Variants in TTLL11 observed in about 807,000 individuals in gnomAD.
TTLL11 encodes the protein tubulin tyrosine ligase like 11, also known as tubulin polyglutamylase TTLL11.
In TTLL11, 42 loss-of-function variants were observed where a neutral mutation model predicts 51.7. That is an observed-to-expected ratio of 0.81 (90% CI 0.64 to 1.05). The LOEUF is 1.05. Among genes scored for constraint, TTLL11 ranks in the 50% least tolerant of loss-of-function variants. TTLL11 has a pLI of 0.00. For synonymous variants in TTLL11, 381 were observed against 383.5 expected, an observed-to-expected ratio of 0.99 and a Z score of 0.08; for missense variants, 799 against 940.4, an observed-to-expected ratio of 0.85 and a Z score of 1.97.
intron 3 of TTLL11, among the ~76,000 whole-genome samples, chr9:122,001,654 C>A (rs1843472634): frequency 6.6e-6 from 1 of 152,122 alleles, no homozygotes; most frequent in African/African-American, 2.4e-5. Flanking sequence ...GCAGAGACAG[C>A]AGTGCAGAGC....
chr9:122,002,467 G>C (rs913130541), intron 3 of TTLL11, among the ~76,000 whole-genome samples: 10 of 152,196 alleles, frequency 6.6e-5, no homozygotes, highest in African/African-American at 2.4e-4. Context: ...CATAGCTTCT[G>C]AGATTTTATT....
At chr9:121,829,521 A>G (rs1836929610) in intron 8 of TTLL11, among the ~76,000 whole-genome samples, 1 of 152,148 alleles carries the variant, frequency 6.6e-6, no homozygotes, top group South Asian at 2.1e-4. Context: ...TTAGGGAGGT[A>G]AGGAGGAAAA....
chr9:122,040,492 G>T, intron 1 of TTLL11: 1 of 840,330 alleles, frequency 1.2e-6, no homozygotes, highest in Middle Eastern at 6.1e-4. Flanking sequence ...TGTTAAAGGA[G>T]AAAAGAGAGG....
At chr9:121,973,826 C>T (rs1035165533) in intron 6 of TTLL11, among the ~76,000 whole-genome samples, 183 bp downstream of exon 6, 5 of 152,052 alleles carry the variant, frequency 3.3e-5, no homozygotes, top group Non-Finnish European at 4.4e-5. Flanking sequence ...CAGATTACTC[C>T]GGATTTGAGT....
At chr9:122,003,998 T>C (rs1588196478) in intron 3 of TTLL11, among the ~76,000 whole-genome samples, 1 of 151,558 alleles carries the variant, frequency 6.6e-6, no homozygotes, top group Admixed American at 6.6e-5. Context: ...GGCACGCACC[T>C]GTAGTCCCAG....
chr9:121,876,311 CT>C (rs1446600812), intron 6 of TTLL11, among the ~76,000 whole-genome samples: 2 of 152,334 alleles, frequency 1.3e-5, no homozygotes, highest in East Asian at 3.9e-4. Context: ...ATTCTAGTTG[CT>C]GAGAAGTTGC....
rs367746209 is a variant in TTLL11 at position 121,820,955 on chromosome 9, G to A, written c.*1632C>T. Among the ~76,000 whole-genome samples, 54 of 151,686 alleles carry A rather than the reference G, an allele frequency of 3.6e-4. No individual in the cohort carries two copies. The East Asian group carries it at 9.2e-3, about 26-fold the overall frequency. ...GCTAGCAGCAGGGAAGGGGTGCTGC[G>A]CGGCAGCCACACCGTGGGGGAAACA... is the stretch of plus-strand genomic sequence containing the variant. On this transcript the variant is annotated 3_prime_UTR_variant, in exon 9 of 9. Transcript: ENST00000321582.
intron 8 of TTLL11, among the ~76,000 whole-genome samples, chr9:121,841,392 G>A (rs1297512326): frequency 6.6e-6 from 1 of 152,190 alleles, no homozygotes; most frequent in African/African-American, 2.4e-5. Context: ...TTGGAAGGGA[G>A]GGGCTTCTCC....
intron 6 of TTLL11, among the ~76,000 whole-genome samples, chr9:121,925,338 G>A (rs1285110090): frequency 1.3e-5 from 2 of 152,212 alleles, no homozygotes; most frequent in African/African-American, 4.8e-5. Context: ...TGAGTCCCAG[G>A]CTCCCAGGCT....
intron 8 of TTLL11, among the ~76,000 whole-genome samples, chr9:121,838,847 C>T (rs1837266005): frequency 7.0e-6 from 1 of 142,884 alleles, no homozygotes; most frequent in Admixed American, 6.9e-5. Flanking sequence ...AAACCACGCA[C>T]TCCCCCACTT....
At chr9:122,077,985 C>T (rs982350454) in intron 1 of TTLL11, among the ~76,000 whole-genome samples, 1 of 151,932 alleles carries the variant, frequency 6.6e-6, no homozygotes, top group Non-Finnish European at 1.5e-5. Flanking sequence ...TCTAAATAAC[C>T]CATGGGTCAA....
At position 121,897,640 on chromosome 9, in the gene TTLL11, A is replaced by ACACACACACACACACACACACAGG. The variant is rs111331446; in HGVS notation, c.1482-26893_1482-26892insCCTGTGTGTGTGTGTGTGTGTGTG. Reference sequence around the variant, plus strand: ...CAGGCACACACACACACACACACACACGCGCGCGCGAAGTCTCCAACTGCC... The same window carrying ACACACACACACACACACACACAGG: ...CAGGCACACACACACACACACACACACACACACACACACACACACACAGGCGCGCGCGCGAAGTCTCCAACTGCC... On this transcript the variant is annotated intron_variant, in intron 6 of 8. Transcript: ENST00000321582. Among the ~76,000 whole-genome samples, 3 of 139,292 alleles carry ACACACACACACACACACACACAGG rather than the reference A, an allele frequency of 2.2e-5. No individual in the cohort carries two copies. In the East Asian group the frequency reaches 6.8e-4, roughly 32 times the overall value. 91.4% of individuals were successfully genotyped at this position (139,292 alleles called of 152,430 possible). A position where few individuals can be genotyped will look rare whatever the true frequency, so the allele number is the denominator to read the frequency against.
intron 3 of TTLL11, among the ~76,000 whole-genome samples, chr9:122,013,666 G>C (rs1264580273): frequency 1.3e-5 from 2 of 152,190 alleles, no homozygotes; most frequent in Admixed American, 6.5e-5. Flanking sequence ...CCTCACCTGG[G>C]AGGGGGTGAA....
At chr9:122,066,552 A>G (rs1188724006) in intron 1 of TTLL11, among the ~76,000 whole-genome samples, 1 of 152,198 alleles carries the variant, frequency 6.6e-6, no homozygotes, top group Non-Finnish European at 1.5e-5. Flanking sequence ...TGACTTTAGG[A>G]CTAAGCATGC....
intron 1 of TTLL11, among the ~76,000 whole-genome samples, chr9:122,051,125 A>G (rs1845143724): frequency 6.6e-6 from 1 of 152,252 alleles, no homozygotes. Context: ...ATATATCCTT[A>G]TAATATAATG....
chr9:121,992,178 T>A (rs1588183892), intron 3 of TTLL11, among the ~76,000 whole-genome samples: 1 of 152,184 alleles, frequency 6.6e-6, no homozygotes, highest in Non-Finnish European at 1.5e-5. Context: ...GGTTCCTTGC[T>A]TGTTAAAGCG....
intron 8 of TTLL11, among the ~76,000 whole-genome samples, chr9:121,859,818 A>G (rs1564276576): frequency 6.6e-6 from 1 of 152,246 alleles, no homozygotes; most frequent in Middle Eastern, 3.4e-3. Context: ...AGCCCTGTTC[A>G]CCAGCTGATC....
At chr9:121,846,948 C>T (rs540013825) in intron 8 of TTLL11, among the ~76,000 whole-genome samples, 144 of 152,240 alleles carry the variant, frequency 9.5e-4, no homozygotes, top group African/African-American at 3.1e-3. Context: ...CGGTGGCTCA[C>T]GCCTGTAATC....
chr9:121,948,501 T>C (rs532023022), intron 6 of TTLL11, among the ~76,000 whole-genome samples: 30 of 152,308 alleles, frequency 2.0e-4, no homozygotes, highest in South Asian at 8.3e-4. Flanking sequence ...TGCCAGTCAC[T>C]TGATGATGGT....
Sources: gnomAD v4.1 joint callset for allele counts (sites outside exome capture counted in the v4.1 genomes callset) on GRCh38, gnomAD v4.1.1 for gene constraint, MANE v1.5 for transcripts, NCBI Gene and HGNC (gene_info 2026-07-23, HGNC 2026-07-21) for gene names.